Variants in SLC39A11 observed in about 807,000 individuals in gnomAD.
SLC39A11 encodes the protein solute carrier family 39 member 11, also known as zinc transporter ZIP11.
SLC39A11 carries 33 observed loss-of-function variants against 36.1 expected under a neutral mutation model. That is an observed-to-expected ratio of 0.91 (90% CI 0.69 to 1.22). SLC39A11 has a LOEUF of 1.22. Among genes scored for constraint, SLC39A11 ranks in the 50% most tolerant of loss-of-function variants. The pLI is 0.00. For synonymous variants in SLC39A11, 166 were observed against 170.3 expected (o/e 0.97, Z 0.20); for missense variants, 432 against 430.3 (o/e 1.00, Z -0.03).
At chr17:72,761,813 G>A (rs1407408308) in intron 6 of SLC39A11, among the ~76,000 whole-genome samples, 1 of 152,162 alleles carries the variant, frequency 6.6e-6, no homozygotes, top group East Asian at 1.9e-4. Context: ...TGAGCAACAT[G>A]CAATGCTCAG....
chr17:72,836,871 A>C (rs2078572447), intron 6 of SLC39A11, among the ~76,000 whole-genome samples: 1 of 152,120 alleles, frequency 6.6e-6, no homozygotes, highest in African/African-American at 2.4e-5. Flanking sequence ...GGCTACTGAG[A>C]AGGCCCCTCC....
At chr17:72,679,661 G>C (rs1206630268) in intron 7 of SLC39A11, among the ~76,000 whole-genome samples, 3 of 152,196 alleles carry the variant, frequency 2.0e-5, no homozygotes, top group Non-Finnish European at 1.5e-5. Flanking sequence ...GTTGCAGGAG[G>C]TATTGATCTT....
intron 4 of SLC39A11, among the ~76,000 whole-genome samples, chr17:72,991,020 T>A (rs2089137800): frequency 6.6e-6 from 1 of 152,204 alleles, no homozygotes; most frequent in Admixed American, 6.5e-5. Context: ...TTCAGAAATG[T>A]AGAAGAGTAC....
chr17:73,056,703 CAG>C (rs2059681319), intron 3 of SLC39A11, among the ~76,000 whole-genome samples: 2 of 152,196 alleles, frequency 1.3e-5, no homozygotes, highest in Admixed American at 1.3e-4. Context: ...TACGAGAAGA[CAG>C]GGAGTCATGG....
At chr17:72,775,015 C>T (rs1288286804) in intron 6 of SLC39A11, among the ~76,000 whole-genome samples, 2 of 151,896 alleles carry the variant, frequency 1.3e-5, no homozygotes, top group Non-Finnish European at 2.9e-5. Context: ...AAAATAAGCT[C>T]GTGGCACCCA....
intron 5 of SLC39A11, among the ~76,000 whole-genome samples, chr17:72,875,702 T>C (rs4077292): frequency 0.055 from 8,372 of 152,282 alleles, 259 homozygotes; most frequent in African/African-American, 0.087. Context: ...TCATTGTTTC[T>C]TTTCTAATCT....
At chr17:72,939,238 G>A (rs192110537) in intron 5 of SLC39A11, among the ~76,000 whole-genome samples, 23 of 152,222 alleles carry the variant, frequency 1.5e-4, no homozygotes, top group African/African-American at 5.5e-4. Context: ...AGGTGGGTGG[G>A]TCACCTGAGG....
intron 7 of SLC39A11, among the ~76,000 whole-genome samples, chr17:72,728,786 A>G (rs546234444): frequency 5.3e-5 from 8 of 152,156 alleles, no homozygotes; most frequent in Middle Eastern, 3.4e-3. Context: ...GCTTTCCCCA[A>G]TCTGTGTAAA....
At chr17:72,675,749 T>C (rs566751645) in intron 7 of SLC39A11, among the ~76,000 whole-genome samples, 1 of 152,290 alleles carries the variant, frequency 6.6e-6, no homozygotes, top group East Asian at 1.9e-4. Context: ...AATGGCGCAA[T>C]CTCGGCTCAC....
intron 5 of SLC39A11, among the ~76,000 whole-genome samples, chr17:72,853,882 G>A (rs530620970): frequency 3.3e-5 from 5 of 152,242 alleles, no homozygotes; most frequent in South Asian, 2.1e-4. Context: ...ATCAGTTAGC[G>A]GAGGCAATTG....
At chr17:72,962,433 G>A (rs1014838747) in intron 4 of SLC39A11, among the ~76,000 whole-genome samples, 4 of 152,262 alleles carry the variant, frequency 2.6e-5, no homozygotes, top group South Asian at 2.1e-4. Context: ...TAAGAATTAC[G>A]TTTCTTGCAA....
chr17:72,995,871 C>G (rs2089475349), intron 4 of SLC39A11, among the ~76,000 whole-genome samples: 2 of 152,174 alleles, frequency 1.3e-5, no homozygotes, highest in Admixed American at 1.3e-4. Flanking sequence ...CCCAATGAAT[C>G]CTGACTAATA....
chr17:72,918,749 G>A (rs190524302), intron 5 of SLC39A11, among the ~76,000 whole-genome samples: 7 of 152,216 alleles, frequency 4.6e-5, no homozygotes, highest in African/African-American at 1.7e-4. Context: ...AAAGAAAGAA[G>A]GGCCCCCGGC....
At chr17:72,780,673 A>G (rs2076285445) in intron 6 of SLC39A11, among the ~76,000 whole-genome samples, 1 of 152,012 alleles carries the variant, frequency 6.6e-6, no homozygotes, top group Admixed American at 6.5e-5. Flanking sequence ...GTCAGCATTC[A>G]TTTTCTTTTC....
At chr17:73,022,086 C>A (rs1259571698) in intron 4 of SLC39A11, among the ~76,000 whole-genome samples, 1 of 152,216 alleles carries the variant, frequency 6.6e-6, no homozygotes, top group African/African-American at 2.4e-5. Flanking sequence ...GACTGCAAAG[C>A]CACAGATATT....
intron 6 of SLC39A11, among the ~76,000 whole-genome samples, chr17:72,790,563 G>T (rs572939223): frequency 2.1e-4 from 32 of 149,138 alleles, no homozygotes; most frequent in African/African-American, 7.4e-4. Context: ...ACAGAGCCTT[G>T]CTTTGTCGCC....
chr17:72,918,756 C>T (rs556195010), intron 5 of SLC39A11, among the ~76,000 whole-genome samples: 138 of 152,230 alleles, frequency 9.1e-4, no homozygotes, highest in African/African-American at 3.1e-3. Context: ...GAAGGGCCCC[C>T]GGCCAGCCTT....
At chr17:72,776,012 A>G (rs531617329) in intron 6 of SLC39A11, among the ~76,000 whole-genome samples, 1 of 152,324 alleles carries the variant, frequency 6.6e-6, no homozygotes, top group East Asian at 1.9e-4. Context: ...AGCCTGCCAC[A>G]TGTTCCCTCT....
intron 7 of SLC39A11, among the ~76,000 whole-genome samples, chr17:72,685,888 T>A (rs1220492685): frequency 6.6e-6 from 1 of 151,932 alleles, no homozygotes; most frequent in Non-Finnish European, 1.5e-5. Flanking sequence ...ATACAAAAAT[T>A]AGCCAGGCGT....
Sources: allele counts gnomAD v4.1 joint callset (sites outside exome capture counted in the v4.1 genomes callset), GRCh38; gene constraint gnomAD v4.1.1; transcripts MANE v1.5; gene names NCBI Gene and HGNC (gene_info 2026-07-23, HGNC 2026-07-21).